DNAH3: variants seen among roughly 807,000 people sequenced by gnomAD.
DNAH3 encodes axonemal beta dynein heavy chain 3.
In DNAH3, 332 loss-of-function variants were observed where a neutral mutation model predicts 432.5. The ratio of observed to expected loss-of-function variants is 0.77; its 90% CI spans 0.70 to 0.84. DNAH3 has a LOEUF of 0.84. Among genes scored for constraint, DNAH3 ranks in the 40% least tolerant of loss-of-function variants. The pLI is 0.00. For missense variants in DNAH3, 4,861 were observed against 5,114.0 expected (o/e 0.95, Z 1.51); for synonymous variants, 1,956 against 1,900.2 (o/e 1.03, Z -0.76).
At chr16:21,061,833 G>A (rs1301047640) in intron 25 of DNAH3, among the ~76,000 whole-genome samples, 2 of 152,194 alleles carry the variant, frequency 1.3e-5, no homozygotes, top group African/African-American at 4.8e-5. Context: ...ATTATTCAGT[G>A]TTAGAATTTC....
intron 57 of DNAH3, among the ~76,000 whole-genome samples, chr16:20,947,292 A>C (rs1244093943): frequency 1.3e-5 from 2 of 152,196 alleles, no homozygotes; most frequent in Non-Finnish European, 2.9e-5. Context: ...AGGGCATGGA[A>C]GTTCTCACTC....
At chr16:21,073,684 T>A (rs1037829406) in intron 21 of DNAH3, among the ~76,000 whole-genome samples, 9 of 152,148 alleles carry the variant, frequency 5.9e-5, no homozygotes, top group Non-Finnish European at 1.3e-4. Flanking sequence ...CCATAGAAAC[T>A]AAACTCCTCT....
rs780692995 is a variant in DNAH3, at chr16:21,127,653, A to C, written c.1208+34T>G. ...GAGGGTTTTCAGTCTTTAAGATACCATGGTGCAGCCCCACTTGGAGGGCAG... is the reference window on the plus strand; with the variant it reads ...GAGGGTTTTCAGTCTTTAAGATACCCTGGTGCAGCCCCACTTGGAGGGCAG... On this transcript the variant is annotated intron_variant, in intron 8 of 61. Transcript: ENST00000261383. 6 of 1,611,558 alleles carry C rather than the reference A, an allele frequency of 3.7e-6. No individual in the cohort carries two copies. In the South Asian group the frequency reaches 6.6e-5, roughly 18 times the overall value.
At chr16:21,025,436 A>T (rs1460167077) in intron 38 of DNAH3, among the ~76,000 whole-genome samples, 1 of 147,960 alleles carries the variant, frequency 6.8e-6, no homozygotes, top group East Asian at 1.9e-4. Flanking sequence ...AGTATATAGT[A>T]TAACATTATA....
At chr16:21,086,764 C>T (rs1289891187) in intron 19 of DNAH3, 85 bp downstream of exon 19, 11 of 1,196,292 alleles carry the variant, frequency 9.2e-6, no homozygotes, top group Non-Finnish European at 1.4e-5. Flanking sequence ...GAAGCTTGAC[C>T]TAGTAATGTT....
chr16:21,040,358 AT>A (rs55797285), intron 32 of DNAH3, among the ~76,000 whole-genome samples: 3,832 of 79,366 alleles, frequency 0.048, 369 homozygotes, highest in African/African-American at 0.18. Flanking sequence ...AGCCAGACAG[AT>A]TTTTTTTTTT....
Position 20,959,180 on chromosome 16 carries a change from T to A in DNAH3, c.10825A>T (p.Arg3609Ter). 1 of 1,614,100 alleles carries A rather than the reference T, an allele frequency of 6.2e-7. No individual in the cohort carries two copies. The highest frequency in any genetic ancestry group is 8.5e-7 in the Non-Finnish European group (1 of 1,179,968). Residue 3609 changes from arginine to a stop codon, truncating the protein, a stop_gained and splice_region_variant, in exon 54 of 62, where the codon AGA becomes TGA. Transcript: ENST00000261383. LOFTEE classifies it high-confidence loss of function. The stretch of plus-strand genomic sequence containing the variant: ...GGCAGTGGTGGGACAGCATCTCACC[T>A]GAATCTGGCATTGGTGCTCTCAGGA...
At chr16:20,990,787 C>T (rs1293423417) in intron 44 of DNAH3, among the ~76,000 whole-genome samples, 1 of 152,034 alleles carries the variant, frequency 6.6e-6, no homozygotes, top group East Asian at 1.9e-4. Flanking sequence ...TTTGGGAGGC[C>T]GAGGCGTGCA....
intron 57 of DNAH3, among the ~76,000 whole-genome samples, chr16:20,945,032 G>T (rs1399662679): frequency 6.6e-6 from 1 of 152,156 alleles, no homozygotes; most frequent in East Asian, 1.9e-4. Flanking sequence ...GTAAAATAAG[G>T]CTGACACCTA....
intron 50 of DNAH3, among the ~76,000 whole-genome samples, chr16:20,978,859 G>C (rs2085722598): frequency 2.0e-5 from 3 of 151,924 alleles, no homozygotes; most frequent in Non-Finnish European, 4.4e-5. Context: ...CCTTTTTATA[G>C]AAGAGGAATC....
intron 40 of DNAH3, among the ~76,000 whole-genome samples, chr16:21,020,397 A>ATATATATATATATTTTTTTTTTTTTT (rs1555530020): frequency 2.9e-5 from 1 of 34,594 alleles, no homozygotes. Flanking sequence ...ATATATATAT[A>ATATATATATATATTTTTTTTTTTTTT]TTTTTTTTTT....
chr16:21,091,646 T>A (rs1457857738), intron 18 of DNAH3, among the ~76,000 whole-genome samples: 5 of 152,028 alleles, frequency 3.3e-5, no homozygotes, highest in African/African-American at 1.2e-4. Flanking sequence ...TGAAACCCTG[T>A]CTCTACCAAA....
At chr16:21,072,987 T>C (rs772469556) in intron 21 of DNAH3, among the ~76,000 whole-genome samples, 32 of 152,056 alleles carry the variant, frequency 2.1e-4, no homozygotes, top group Non-Finnish European at 3.8e-4. Context: ...CCTGACCAAG[T>C]GGTCCTGTTT....
chr16:21,148,555 T>C (rs906230792), intron 1 of DNAH3, among the ~76,000 whole-genome samples: 1 of 152,090 alleles, frequency 6.6e-6, no homozygotes, highest in Non-Finnish European at 1.5e-5. Flanking sequence ...GCGATTCTCC[T>C]GCCTCAGCTT....
At chr16:21,099,990 A>C (rs1011901487) in intron 16 of DNAH3, among the ~76,000 whole-genome samples, 1 of 152,170 alleles carries the variant, frequency 6.6e-6, no homozygotes, top group Non-Finnish European at 1.5e-5. Flanking sequence ...ACATTTCATA[A>C]ATTTGGTTAT....
intron 1 of DNAH3, among the ~76,000 whole-genome samples, chr16:21,154,267 T>C (rs2092884588): frequency 6.6e-6 from 1 of 152,174 alleles, no homozygotes. Flanking sequence ...TAGCCGGGCG[T>C]GGTGGCAGGC....
chr16:21,151,498 G>C (rs181536819), intron 1 of DNAH3, among the ~76,000 whole-genome samples: 2 of 151,860 alleles, frequency 1.3e-5, no homozygotes, highest in African/African-American at 2.4e-5. Context: ...GGGTTTCACC[G>C]TGTTAGCCAG....
intron 15 of DNAH3, among the ~76,000 whole-genome samples, chr16:21,105,852 A>G (rs2091932821): frequency 6.6e-6 from 1 of 152,236 alleles, no homozygotes; most frequent in Non-Finnish European, 1.5e-5. Flanking sequence ...TGACTTTTCC[A>G]GGAACACCAG....
intron 36 of DNAH3, 118 bp from the exon 37 acceptor site, chr16:21,031,404 T>C (rs1471256625): frequency 3.9e-6 from 5 of 1,296,828 alleles, no homozygotes; most frequent in Non-Finnish European, 5.3e-6. Flanking sequence ...ATGAGGGAAG[T>C]CCTTCTTATA....
Sources: allele counts gnomAD v4.1 joint callset (sites outside exome capture counted in the v4.1 genomes callset), GRCh38; gene constraint gnomAD v4.1.1; transcripts MANE v1.5; gene names NCBI Gene and HGNC (gene_info 2026-07-23, HGNC 2026-07-21).